Variants in GPHN observed in about 807,000 individuals in gnomAD.
GPHN encodes gephyrin.
GPHN carries 17 observed loss-of-function variants against 95.5 expected under a neutral mutation model. The observed-to-expected ratio is 0.18, with a 90% confidence interval of 0.12 to 0.27. GPHN has a LOEUF of 0.27. Ranked by LOEUF, GPHN falls within the 10% of genes least tolerant of loss-of-function variation. The pLI, the probability that GPHN is intolerant of heterozygous loss-of-function variation, is 1.00. For synonymous variants in GPHN, 320 were observed against 322.5 expected, an observed-to-expected ratio of 0.99 and a Z score of 0.08; for missense variants, 660 against 978.1, an observed-to-expected ratio of 0.67 and a Z score of 4.34.
chr14:66,704,550 C>G (rs2068879599), intron 2 of GPHN, among the ~76,000 whole-genome samples: 1 of 151,990 alleles, frequency 6.6e-6, no homozygotes, highest in Non-Finnish European at 1.5e-5. Flanking sequence ...ACAACCTGCT[C>G]CAGAATGACT....
the GPHN span, among the ~76,000 whole-genome samples, chr14:67,516,148 G>C: frequency 6.6e-6 from 1 of 152,218 alleles, no homozygotes; most frequent in Admixed American, 6.5e-5. Context: ...CTGGTCCTGG[G>C]TCCTGCAGAA....
intron 10 of GPHN, among the ~76,000 whole-genome samples, chr14:67,029,132 G>A (rs986029636): frequency 2.6e-5 from 4 of 152,008 alleles, no homozygotes; most frequent in Non-Finnish European, 5.9e-5. Flanking sequence ...CCTTTTCTCT[G>A]ATGCATGTTC....
chr14:66,653,612 T>G (rs982634608), intron 1 of GPHN, among the ~76,000 whole-genome samples: 1 of 152,182 alleles, frequency 6.6e-6, no homozygotes, highest in African/African-American at 2.4e-5. Flanking sequence ...CCTGAACTCC[T>G]TGTAAACACT....
chr14:66,894,382 A>C (rs1196004158), intron 5 of GPHN, among the ~76,000 whole-genome samples: 3 of 152,210 alleles, frequency 2.0e-5, no homozygotes, highest in Non-Finnish European at 4.4e-5. Context: ...TAAAGACTTA[A>C]ATGTAAGACC....
chr14:67,021,588 T>G (rs1288217218), intron 9 of GPHN, among the ~76,000 whole-genome samples: 2 of 152,110 alleles, frequency 1.3e-5, no homozygotes, highest in African/African-American at 4.8e-5. Context: ...TGGGTTTTTT[T>G]GGTAAAGCCA....
At chr14:66,829,366 G>T (rs1166493387) in intron 4 of GPHN, among the ~76,000 whole-genome samples, 3 of 152,088 alleles carry the variant, frequency 2.0e-5, no homozygotes, top group African/African-American at 7.2e-5. Flanking sequence ...GAGATTACAG[G>T]CATGAACCAC....
chr14:66,610,183 A>G (rs1041905315), intron 1 of GPHN, among the ~76,000 whole-genome samples: 3 of 152,080 alleles, frequency 2.0e-5, no homozygotes, highest in African/African-American at 7.2e-5. Context: ...GGTTTCACAG[A>G]TGATGTATAT....
chr14:66,854,209 G>A (rs2153517300), intron 4 of GPHN, among the ~76,000 whole-genome samples: 1 of 152,260 alleles, frequency 6.6e-6, no homozygotes, highest in Middle Eastern at 3.4e-3. Context: ...GCCATCACAG[G>A]AGTAGCCAGG....
the GPHN span, among the ~76,000 whole-genome samples, chr14:67,327,994 A>G: frequency 6.6e-6 from 1 of 152,224 alleles, no homozygotes; most frequent in Non-Finnish European, 1.5e-5. Flanking sequence ...TTGGGTATAT[A>G]CCCAGTAATG....
At chr14:67,641,667 A>T in the GPHN span, among the ~76,000 whole-genome samples, 1 of 152,326 alleles carries the variant, frequency 6.6e-6, no homozygotes, top group Non-Finnish European at 1.5e-5. Flanking sequence ...TTGGCCAGGC[A>T]GGTGGCTCAT....
At chr14:67,667,861 G>A in the GPHN span, among the ~76,000 whole-genome samples, 509 of 152,134 alleles carry the variant, frequency 3.3e-3, 18 homozygotes, top group East Asian at 0.082. Context: ...GAAGAATGGC[G>A]TGAACCCGGA....
At chr14:66,649,314 A>G (rs1000866259) in intron 1 of GPHN, among the ~76,000 whole-genome samples, 3 of 151,988 alleles carry the variant, frequency 2.0e-5, no homozygotes, top group African/African-American at 7.2e-5. Context: ...AACCTGAGCA[A>G]CAGAGTGAGA....
intron 4 of GPHN, among the ~76,000 whole-genome samples, chr14:66,874,513 A>C (rs2063569613): frequency 6.6e-6 from 1 of 152,214 alleles, no homozygotes; most frequent in Admixed American, 6.5e-5. Context: ...ACCTTGAAAA[A>C]AGGTTAGAGG....
chr14:66,848,806 G>A (rs1040213216), intron 4 of GPHN, among the ~76,000 whole-genome samples: 6 of 151,732 alleles, frequency 4.0e-5, no homozygotes, highest in Non-Finnish European at 8.9e-5. Flanking sequence ...GGAAAATATA[G>A]CAAAGCAAAA....
At chr14:67,234,947 G>A in the GPHN span, among the ~76,000 whole-genome samples, 1 of 150,216 alleles carries the variant, frequency 6.7e-6, no homozygotes, top group African/African-American at 2.4e-5. Flanking sequence ...CCTGAGGTCA[G>A]GAGCTGGAGA....
At chr14:67,395,153 T>C in the GPHN span, among the ~76,000 whole-genome samples, 517 of 152,182 alleles carry the variant, frequency 3.4e-3, 4 homozygotes, top group African/African-American at 0.012. Context: ...GGGGGTCTTG[T>C]GTCATGGAGG....
the GPHN span, among the ~76,000 whole-genome samples, chr14:67,682,375 G>A: frequency 2.0e-5 from 3 of 152,122 alleles, no homozygotes; most frequent in Admixed American, 6.5e-5. Context: ...CAAGGAACTC[G>A]CATCTAGACT....
chr14:66,674,889 C>T (rs1204586452), intron 1 of GPHN, among the ~76,000 whole-genome samples: 1 of 152,128 alleles, frequency 6.6e-6, no homozygotes, highest in African/African-American at 2.4e-5. Flanking sequence ...TTTGAGGAAC[C>T]TCCATACTGT....
intron 5 of GPHN, among the ~76,000 whole-genome samples, chr14:66,887,386 G>A (rs1161231282): frequency 6.6e-6 from 1 of 152,156 alleles, no homozygotes; most frequent in Non-Finnish European, 1.5e-5. Flanking sequence ...TCAGGAGATT[G>A]AGACCATCCT....
Sources: gnomAD v4.1 joint callset for allele counts (sites outside exome capture counted in the v4.1 genomes callset) on GRCh38, gnomAD v4.1.1 for gene constraint, MANE v1.5 for transcripts, NCBI Gene and HGNC (gene_info 2026-07-23, HGNC 2026-07-21) for gene names.